The following PCDHA5 variants were observed in gnomAD, a reference collection of about 807,000 sequenced individuals.
The protein encoded by PCDHA5 is protocadherin alpha 5, also known as protocadherin alpha-5.
Under a neutral mutation model 61.6 loss-of-function variants are expected in PCDHA5, and 43 were observed. The ratio of observed to expected loss-of-function variants is 0.70; its 90% confidence interval spans 0.55 to 0.90. The LOEUF (loss-of-function observed/expected upper bound fraction) is 0.90. PCDHA5 is among the 40% of genes least tolerant of loss of function. The pLI is 0.00. For synonymous variants in PCDHA5, 627 were observed against 543.9 expected (o/e 1.15, Z -2.13); for missense variants, 1,298 against 1,222.7 (o/e 1.06, Z -0.92).
intron 3 of PCDHA5, among the ~76,000 whole-genome samples, chr5:140,990,304 A>T (rs114506238): frequency 3.9e-5 from 6 of 152,286 alleles, no homozygotes; most frequent in Non-Finnish European, 8.8e-5. Context: ...CATTGTCTGT[A>T]AAAAACCAAC....
At chr5:140,903,597 T>C (rs1182384058) in intron 1 of PCDHA5, among the ~76,000 whole-genome samples, 1 of 152,218 alleles carries the variant, frequency 6.6e-6, no homozygotes, top group African/African-American at 2.4e-5. Flanking sequence ...GCCTGATAAA[T>C]GCTTAATACA....
chr5:140,860,413 C>T (rs2046383451), intron 1 of PCDHA5: 1 of 152,018 alleles, frequency 6.6e-6, no homozygotes, highest in African/African-American at 2.4e-5. Context: ...AATAGTAACA[C>T]CATTATCCTG....
chr5:140,979,090 C>A, intron 2 of PCDHA5, 83 bp downstream of exon 2: 1 of 1,557,284 alleles, frequency 6.4e-7, no homozygotes, highest in Non-Finnish European at 8.7e-7. Flanking sequence ...AGGCCAGAAG[C>A]AGCTGTCAAA....
intron 1 of PCDHA5, among the ~76,000 whole-genome samples, chr5:140,945,791 G>T (rs782283550): frequency 1.3e-5 from 2 of 152,064 alleles, no homozygotes; most frequent in Non-Finnish European, 2.9e-5. Flanking sequence ...GCAGAAAAAT[G>T]AAACTAGACC....
chr5:140,857,745 C>G, intron 1 of PCDHA5: 1 of 1,597,310 alleles, frequency 6.3e-7, no homozygotes, highest in Non-Finnish European at 8.6e-7. Context: ...GCGCTGCTGG[C>G]GTCTCCCGCT....
chr5:140,904,552 T>C (rs1233525886), intron 1 of PCDHA5, among the ~76,000 whole-genome samples: 1 of 152,084 alleles, frequency 6.6e-6, no homozygotes, highest in Non-Finnish European at 1.5e-5. Flanking sequence ...TTTCATATAA[T>C]GACTTTTTTT....
At chr5:140,892,896 C>T (rs1489868294) in intron 1 of PCDHA5, among the ~76,000 whole-genome samples, 1 of 152,112 alleles carries the variant, frequency 6.6e-6, no homozygotes, top group Non-Finnish European at 1.5e-5. Flanking sequence ...CCAACCTTTC[C>T]CCATCCTCCT....
intron 1 of PCDHA5, among the ~76,000 whole-genome samples, chr5:140,896,910 T>C (rs1174063416): frequency 1.3e-5 from 2 of 152,208 alleles, no homozygotes; most frequent in Non-Finnish European, 2.9e-5. Context: ...AAGCATGCAA[T>C]GCACAATAAT....
At chr5:141,004,564 T>C (rs1205705593) in intron 3 of PCDHA5, among the ~76,000 whole-genome samples, 1 of 152,196 alleles carries the variant, frequency 6.6e-6, no homozygotes, top group Non-Finnish European at 1.5e-5. Flanking sequence ...AAGATGAACA[T>C]ATCTCTGTGT....
intron 1 of PCDHA5, chr5:140,855,964 T>A: frequency 7.1e-7 from 1 of 1,408,442 alleles, no homozygotes; most frequent in Non-Finnish European, 9.6e-7. Context: ...AAAAAATAGA[T>A]ATAAGAAATA....
intron 1 of PCDHA5, chr5:140,858,078 C>T (rs782110139): frequency 6.3e-7 from 1 of 1,597,798 alleles, no homozygotes; most frequent in South Asian, 1.1e-5. Context: ...GCACCCAAGG[C>T]CTCGTCGCGG....
At chr5:140,841,860 T>C (rs2150324281) in intron 1 of PCDHA5, 1 of 1,613,766 alleles carries the variant, frequency 6.2e-7, no homozygotes, top group Admixed American at 1.7e-5. Context: ...TACTTCATGC[T>C]AGATGTGAAT....
chr5:140,943,094 TA>T lies in PCDHA5; in HGVS notation c.2353-35849del, dbSNP rs546939375. Among the ~76,000 whole-genome samples, 19 of 151,404 alleles carry T rather than the reference TA, an allele frequency of 1.3e-4. No individual in the cohort carries two copies. In the East Asian group the frequency reaches 3.7e-3, roughly 29 times the overall value. On this transcript the variant is annotated intron_variant, in intron 1 of 3. Coordinates refer to ENST00000529859, the MANE Select transcript of PCDHA5 (RefSeq NM_018908.3). ...CAACATGGTGAAATCCTGCCTCTAC[TA>T]AAAAATACAAAAATTAGCCAGGTGT... is the stretch of plus-strand genomic sequence containing the variant.
chr5:140,928,392 G>T (rs17844366), intron 1 of PCDHA5: 1 of 1,614,052 alleles, frequency 6.2e-7, no homozygotes, highest in Admixed American at 1.7e-5. Context: ...TGCTGGCAGT[G>T]GAATCATCCA....
Position 140,835,881 on chromosome 5 carries a change from G to A in PCDHA5, c.2352+11754G>A, listed in dbSNP as rs200873751. 135 of 1,612,004 alleles carry A rather than the reference G, an allele frequency of 8.4e-5. 2 individuals are homozygous for A. Among genetic ancestry groups the A allele is most frequent in the Non-Finnish European group, 1.1e-4 (125 of 1,179,638 alleles). ...CTACTCGCTGGTGGAGCTGCGGGTG[G>A]GCGAGCGCGCGCTGTCGAGCTACGT... On this transcript the variant is annotated intron_variant, in intron 1 of 3. Transcript: ENST00000529859.
chr5:140,863,155 T>G (rs1554157838), intron 1 of PCDHA5: 1 of 635,268 alleles, frequency 1.6e-6, no homozygotes, highest in Admixed American at 1.9e-5. Context: ...GAAGGACCAC[T>G]GCGAGCTGGC....
rs1354024446 is a variant in PCDHA5 at position 140,846,271 on chromosome 5, C to G, written c.2352+22144C>G. Among the ~76,000 whole-genome samples the G allele has an allele frequency of 2.0e-5, 3 of 148,444 alleles. 1 individual carries two copies. The highest frequency in any genetic ancestry group is 3.0e-5 in the Non-Finnish European group (2 of 66,608). Reference sequence around the variant, plus strand: ...TAATGTTTTGATGATGATTTAAAGTCAATTTATGTTGTAGTTCTATGAATT... The same window carrying G: ...TAATGTTTTGATGATGATTTAAAGTGAATTTATGTTGTAGTTCTATGAATT... On this transcript the variant is annotated intron_variant, in intron 1 of 3. Coordinates refer to ENST00000529859, the MANE Select transcript of PCDHA5 (RefSeq NM_018908.3).
At chr5:140,867,316 T>C (rs1234644689) in intron 1 of PCDHA5, 5 of 152,146 alleles carry the variant, frequency 3.3e-5, no homozygotes, top group African/African-American at 1.2e-4. Context: ...TGTCATCTGG[T>C]CTAATGTTAT....
intron 2 of PCDHA5, among the ~76,000 whole-genome samples, chr5:140,979,467 ATTG>A (rs1219222898): frequency 6.6e-6 from 1 of 151,680 alleles, no homozygotes; most frequent in Non-Finnish European, 1.5e-5. Context: ...ATTGATTGCT[ATTG>A]TTGTTTGTGT....
Sources: gnomAD v4.1 joint callset for allele counts (sites outside exome capture counted in the v4.1 genomes callset) on GRCh38, gnomAD v4.1.1 for gene constraint, MANE v1.5 for transcripts, NCBI Gene and HGNC (gene_info 2026-07-23, HGNC 2026-07-21) for gene names.